Variants in PCNX1 observed in about 807,000 individuals in gnomAD.
PCNX1 encodes pecanex 1.
Under a neutral mutation model 242.2 loss-of-function variants are expected in PCNX1, and 78 were observed. That is an observed-to-expected ratio of 0.32 (90% confidence interval 0.27 to 0.39). The LOEUF is 0.39. Among genes scored for constraint, PCNX1 ranks in the 10% least tolerant of loss-of-function variants. PCNX1 has a pLI of 1.00. For missense variants in PCNX1, 2,581 were observed against 2,856.5 expected (o/e 0.90, Z 2.20); for synonymous variants, 1,024 against 1,032.9 (o/e 0.99, Z 0.17).
chr14:71,101,102 C>T (rs1408949541), intron 30 of PCNX1, among the ~76,000 whole-genome samples: 2 of 152,308 alleles, frequency 1.3e-5, no homozygotes, highest in South Asian at 2.1e-4. Context: ...CCTTCTTACT[C>T]TCCCTCTTCT....
chr14:71,049,240 A>AGTTTTTTGTTTT, intron 22 of PCNX1: 1 of 335,994 alleles, frequency 3.0e-6, no homozygotes, highest in Non-Finnish European at 4.2e-6. Context: ...TTTTTAAAAC[A>AGTTTTTTGTTTT]AAAAACTGTT....
At chr14:71,035,550 A>G (rs2060504871) in intron 18 of PCNX1, among the ~76,000 whole-genome samples, 1 of 151,486 alleles carries the variant, frequency 6.6e-6, no homozygotes, top group Non-Finnish European at 1.5e-5. Flanking sequence ...ACTTGAGGTC[A>G]GGAGTTCGAG....
At position 71,009,709 on chromosome 14, in the gene PCNX1, G is replaced by C; in HGVS notation, c.2705G>C (p.Arg902Thr). 6.3e-7 allele frequency: 1 copy of C among 1,595,908 alleles called. No homozygotes were observed. Among genetic ancestry groups the C allele is most frequent in the Non-Finnish European group, 8.6e-7 (1 of 1,165,804 alleles). Residue 902 changes from arginine (R) to threonine (T), a missense_variant, in exon 9 of 36, where the codon AGA becomes ACA. Coordinates refer to ENST00000304743, the MANE Select transcript of PCNX1 (RefSeq NM_014982.3). ...GTGAATTTTGAACCAGCAGCAAGAA[G>C]AGCATCCAATATCTGGTATGTGTGA... ...SLVNFEPAAR[R>T]ASNICDTDSH... is the part of the protein sequence containing the mutation.
chr14:70,949,461 T>C (rs574560572), intron 2 of PCNX1, among the ~76,000 whole-genome samples: 3 of 151,810 alleles, frequency 2.0e-5, no homozygotes, highest in Non-Finnish European at 2.9e-5. Flanking sequence ...AATATACACA[T>C]ACGCATGTGT....
intron 1 of PCNX1, among the ~76,000 whole-genome samples, chr14:70,915,143 T>C (rs894130227): frequency 2.0e-5 from 3 of 152,110 alleles, no homozygotes; most frequent in Non-Finnish European, 2.9e-5. Context: ...TGTATGACTG[T>C]GCTACAGTTT....
intron 30 of PCNX1, among the ~76,000 whole-genome samples, chr14:71,098,551 TGTGA>T (rs1465521225): frequency 5.7e-4 from 74 of 129,080 alleles, no homozygotes; most frequent in East Asian, 1.6e-3. Flanking sequence ...TGTGTGTGTG[TGTGA>T]GAGAGAGAGA....
chr14:71,083,073 C>T (rs895558381), intron 28 of PCNX1, among the ~76,000 whole-genome samples: 2 of 152,060 alleles, frequency 1.3e-5, no homozygotes, highest in African/African-American at 4.8e-5. Flanking sequence ...TCAGCATTTG[C>T]TTGTCTGTAA....
chr14:71,043,552 T>C lies in PCNX1; in HGVS notation c.3868-1581T>C, dbSNP rs371550045. Among the ~76,000 whole-genome samples the C allele has an allele frequency of 3.5e-3, 532 of 151,932 alleles. 1 individual carries two copies. Among genetic ancestry groups the C allele is most frequent in the African/African-American group, 0.012 (515 of 41,446 alleles). On this transcript the variant is annotated intron_variant, in intron 19 of 35. Coordinates refer to ENST00000304743, the MANE Select transcript of PCNX1 (RefSeq NM_014982.3). The stretch of plus-strand genomic sequence containing the variant: ...CTGGGGTTGGTTGGTTGGTTTGTTT[T>C]TTTAAGATCCATCTTAAAGTTGAGA...
At chr14:70,994,262 A>G (rs2059259046) in intron 7 of PCNX1, among the ~76,000 whole-genome samples, 1 of 151,854 alleles carries the variant, frequency 6.6e-6, no homozygotes, top group African/African-American at 2.4e-5. Context: ...AGCACTAGGT[A>G]TGTTATGTAG....
intron 30 of PCNX1, among the ~76,000 whole-genome samples, chr14:71,094,117 T>TA (rs1170181860): frequency 6.6e-6 from 1 of 152,202 alleles, no homozygotes; most frequent in Non-Finnish European, 1.5e-5. Context: ...CATAAAGACT[T>TA]AAACACAAAT....
chr14:71,054,047 G>T (rs552209706), intron 24 of PCNX1, among the ~76,000 whole-genome samples: 1 of 152,330 alleles, frequency 6.6e-6, no homozygotes, highest in South Asian at 2.1e-4. Flanking sequence ...GCCTCTCAAA[G>T]TGCTGGGATT....
At position 70,907,720 on chromosome 14, in the gene PCNX1, C is replaced by T; in HGVS notation, c.-131C>T. 1 of 1,106,576 alleles carries T rather than the reference C, an allele frequency of 9.0e-7. No individual in the cohort carries two copies. The highest frequency in any genetic ancestry group is 1.1e-6 in the Non-Finnish European group (1 of 892,650). 68.5% of individuals were successfully genotyped at this position (1,106,576 alleles called of 1,614,324 possible). A position where few individuals can be genotyped will look rare whatever the true frequency, so the allele number is the denominator to read the frequency against. ...AGCAGCACCAGCGACCGCCGAAGCG[C>T]CGGCTCGCTCACCCGGAGCTCCGGA... is the stretch of plus-strand genomic sequence containing the variant. On this transcript the variant is annotated 5_prime_UTR_variant, in exon 1 of 36. Coordinates refer to ENST00000304743, the MANE Select transcript of PCNX1 (RefSeq NM_014982.3).
intron 7 of PCNX1, among the ~76,000 whole-genome samples, chr14:70,990,421 G>T (rs1487223844): frequency 6.6e-6 from 1 of 151,614 alleles, no homozygotes; most frequent in East Asian, 1.9e-4. Context: ...AAAATTAGCT[G>T]GGCCTGGTGG....
intron 30 of PCNX1, chr14:71,093,573 A>C (rs530538588): frequency 6.6e-6 from 1 of 152,370 alleles, no homozygotes; most frequent in South Asian, 2.1e-4. Flanking sequence ...CCCTTCTGTG[A>C]TATGGGCACT....
At chr14:71,036,037 G>T (rs769391542) in intron 18 of PCNX1, 28 bp from the exon 19 acceptor site, 6 of 1,391,948 alleles carry the variant, frequency 4.3e-6, no homozygotes, top group Middle Eastern at 1.8e-4. Context: ...TTATGTAATT[G>T]TTTAATAATT....
At chr14:70,909,662 T>G (rs1191462064) in intron 1 of PCNX1, among the ~76,000 whole-genome samples, 1 of 152,242 alleles carries the variant, frequency 6.6e-6, no homozygotes, top group African/African-American at 2.4e-5. Flanking sequence ...CAAATGTTAC[T>G]GAAAGAATAT....
intron 26 of PCNX1, among the ~76,000 whole-genome samples, chr14:71,066,212 C>T (rs2061443051): frequency 6.6e-6 from 1 of 152,108 alleles, no homozygotes; most frequent in Non-Finnish European, 1.5e-5. Context: ...GCAGTATGGC[C>T]ATTTTCACAA....
chr14:71,042,606 TTA>T (rs2060741123), intron 19 of PCNX1, among the ~76,000 whole-genome samples: 1 of 150,944 alleles, frequency 6.6e-6, no homozygotes. Flanking sequence ...TTGGCTGTTT[TTA>T]AAAAAAAAAA....
chr14:70,984,210 TC>T (rs2058929266), intron 6 of PCNX1, among the ~76,000 whole-genome samples: 5 of 151,352 alleles, frequency 3.3e-5, no homozygotes, highest in Admixed American at 6.6e-5. Flanking sequence ...TTACACCTTT[TC>T]CCCCCACGAT....
Sources: gnomAD v4.1 joint callset for allele counts (sites outside exome capture counted in the v4.1 genomes callset) on GRCh38, gnomAD v4.1.1 for gene constraint, MANE v1.5 for transcripts, NCBI Gene and HGNC (gene_info 2026-07-23, HGNC 2026-07-21) for gene names.